Variants in CELF2 observed in about 807,000 individuals in gnomAD.
The protein encoded by CELF2 is CUG triplet repeat RNA-binding protein 2.
Under a neutral mutation model 62.6 loss-of-function variants are expected in CELF2, and 8 were observed. That is an observed-to-expected ratio of 0.13 (90% CI 0.07 to 0.23). CELF2 has a LOEUF of 0.23. Ranked by LOEUF, CELF2 falls within the 10% of genes least tolerant of loss-of-function variation. CELF2 has a pLI of 1.00. For missense variants in CELF2, 333 were observed against 671.0 expected (o/e 0.50, Z 5.56); for synonymous variants, 258 against 250.0 (o/e 1.03, Z -0.30).
Position 11,300,784 on chromosome 10 carries a change from G to T in CELF2, c.976+12232G>T, listed in dbSNP as rs1279672130. Among the ~76,000 whole-genome samples the T allele has an allele frequency of 3.9e-5, 6 of 152,152 alleles. No individual in the cohort carries two copies. Among genetic ancestry groups the T allele is most frequent in the African/African-American group, 1.4e-4 (6 of 41,424 alleles). ...GTTTGAGGCAAAACGGCGACCGCGG[G>T]CTCCAGTGTCCTGAGTATGTTTGGT... On this transcript the variant is annotated intron_variant, in intron 9 of 12. Transcript: ENST00000633077. The surrounding 1 kb of genome is among the most constrained non-coding windows in gnomAD (Gnocchi z 5.5).
In CELF2 at chr10:11,319,130, T is replaced by G. The variant is rs749862239; in HGVS notation, c.1097-2059T>G. On this transcript the variant is annotated intron_variant, in intron 10 of 12. Transcript: ENST00000633077. The surrounding 1 kb of genome is among the most constrained non-coding windows in gnomAD (Gnocchi z 4.4). ...GTCGCCGCTCCTCTCCCGCCAGAAT[T>G]TCCTCCACACGGGCATCTGCATTTC... 2.1e-6 allele frequency: 1 copy of G among 470,344 alleles called. No individual in the cohort carries two copies. The highest frequency in any genetic ancestry group is 4.4e-6 in the Non-Finnish European group (1 of 226,980). 29.1% of individuals were successfully genotyped at this position (470,344 alleles called of 1,614,324 possible).
chr10:10,796,239 G>A (rs2054132403), upstream of CELF2, among the ~76,000 whole-genome samples: 1 of 152,106 alleles, frequency 6.6e-6, no homozygotes, highest in African/African-American at 2.4e-5. Context: ...CAAATGGGGA[G>A]TACAACTCAT....
chr10:11,134,585 C>G (rs1392394270), intron 1 of CELF2, among the ~76,000 whole-genome samples: 1 of 152,198 alleles, frequency 6.6e-6, no homozygotes, highest in Non-Finnish European at 1.5e-5. Flanking sequence ...CAGGGCTGTT[C>G]TGTGGAGCCA....
chr10:10,686,828 A>G, the CELF2 span, among the ~76,000 whole-genome samples: 1 of 152,196 alleles, frequency 6.6e-6, no homozygotes, highest in South Asian at 2.1e-4. Flanking sequence ...TGATACAAGC[A>G]GGAAGTCAGA....
intron 1 of CELF2, among the ~76,000 whole-genome samples, chr10:10,830,908 G>A (rs1484928484): frequency 6.6e-6 from 1 of 152,046 alleles, no homozygotes; most frequent in Non-Finnish European, 1.5e-5. Context: ...CTGACTTTTT[G>A]TCCAATGCGT....
chr10:10,595,267 A>G, the CELF2 span, among the ~76,000 whole-genome samples: 1 of 152,224 alleles, frequency 6.6e-6, no homozygotes, highest in African/African-American at 2.4e-5. Flanking sequence ...GAAGACTCAA[A>G]GCTAAGAACT....
chr10:11,273,037 C>T (rs937042808), intron 7 of CELF2, among the ~76,000 whole-genome samples: 3 of 152,118 alleles, frequency 2.0e-5, no homozygotes, highest in African/African-American at 7.2e-5. Flanking sequence ...GCTTTCCCAC[C>T]CCCTCTTCCC....
chr10:11,111,989 A>G (rs2055299481), intron 1 of CELF2, among the ~76,000 whole-genome samples: 1 of 152,240 alleles, frequency 6.6e-6, no homozygotes, highest in Admixed American at 6.5e-5. Flanking sequence ...CAGGCTACAT[A>G]TGTGATGGAT....
intron 1 of CELF2, among the ~76,000 whole-genome samples, chr10:10,872,717 GC>G (rs1231680309): frequency 1.3e-5 from 2 of 152,170 alleles, no homozygotes; most frequent in Non-Finnish European, 2.9e-5. Context: ...TAGCCTGGTG[GC>G]TTTTATGGAA....
At chr10:10,817,522 T>A (rs899198880) in intron 1 of CELF2, among the ~76,000 whole-genome samples, 1 of 152,130 alleles carries the variant, frequency 6.6e-6, no homozygotes, top group Non-Finnish European at 1.5e-5. Flanking sequence ...TCTATGTCCA[T>A]GAGTTCAATT....
chr10:11,000,249 A>G (rs558306541), intron 2 of CELF2, among the ~76,000 whole-genome samples: 3 of 151,878 alleles, frequency 2.0e-5, no homozygotes, highest in African/African-American at 4.8e-5. Context: ...CTTGTCTTCA[A>G]TGGGCCTTTC....
At chr10:10,952,072 G>T (rs1055336164) in intron 2 of CELF2, 1 of 152,276 alleles carries the variant, frequency 6.6e-6, no homozygotes, top group Non-Finnish European at 1.5e-5. Flanking sequence ...CATCATGTTC[G>T]GTGGCTACCC....
chr10:10,551,048 A>G, the CELF2 span, among the ~76,000 whole-genome samples: 1 of 151,922 alleles, frequency 6.6e-6, no homozygotes, highest in Admixed American at 6.6e-5. Flanking sequence ...CTTTATTTCC[A>G]CCCATGGTTG....
intron 2 of CELF2, among the ~76,000 whole-genome samples, chr10:10,924,658 A>T (rs2065277209): frequency 6.6e-6 from 1 of 151,706 alleles, no homozygotes; most frequent in African/African-American, 2.4e-5. Context: ...AGGGGCCAAC[A>T]GTTAAAGAAG....
the CELF2 span, among the ~76,000 whole-genome samples, chr10:10,552,688 G>T: frequency 4.1e-4 from 62 of 152,280 alleles, no homozygotes; most frequent in African/African-American, 1.4e-3. Flanking sequence ...TTAGAAAGTG[G>T]GTCAGAGATC....
chr10:11,014,476 T>C (rs2056951640), upstream of CELF2, among the ~76,000 whole-genome samples: 1 of 152,250 alleles, frequency 6.6e-6, no homozygotes, highest in Non-Finnish European at 1.5e-5. Context: ...GTAGCAACTT[T>C]GTGCAAAAAT....
At chr10:11,048,986 A>T (rs1427348381) in intron 1 of CELF2, among the ~76,000 whole-genome samples, 1 of 152,220 alleles carries the variant, frequency 6.6e-6, no homozygotes, top group Non-Finnish European at 1.5e-5. Flanking sequence ...TTCATGTATT[A>T]GAAGCCAGAG....
chr10:11,010,964 T>G lies in CELF2; in HGVS notation c.53+5524T>G, dbSNP rs983533753. 6.6e-6 allele frequency: 1 copy of G among 152,226 alleles called. No homozygotes were observed. The highest frequency in any genetic ancestry group is 1.5e-5 in the Non-Finnish European group (1 of 68,036). The allele number at this position is 152,226 out of a possible 1,614,324, so 9.4% of individuals were successfully genotyped here. On this transcript the variant is annotated intron_variant, in intron 1 of 12. Coordinates refer to the CELF2 transcript ENST00000416382. This position sits in a 1 kb window ranked among gnomAD's most constrained non-coding sequence, Gnocchi z 4.1. ...CTGAAGAAATGGAGCACAGTGCTAA[T>G]GCAGAAAGCATCTAGGAAGGAAGAA... is the stretch of plus-strand genomic sequence containing the variant.
intron 1 of CELF2, among the ~76,000 whole-genome samples, chr10:10,800,037 G>A (rs2054501911): frequency 6.7e-6 from 1 of 149,880 alleles, no homozygotes. Flanking sequence ...TGACATTTGT[G>A]TTGTATTAAT....
Sources: allele counts gnomAD v4.1 joint callset (sites outside exome capture counted in the v4.1 genomes callset), GRCh38; gene constraint gnomAD v4.1.1; non-coding constraint Gnocchi (gnomAD v3.1); transcripts MANE v1.5; gene names NCBI Gene and HGNC (gene_info 2026-07-23, HGNC 2026-07-21).